The following SLC67A1 variants were observed in gnomAD, a reference collection of about 807,000 sequenced individuals.
The protein encoded by SLC67A1 is solute carrier family 67 member 1.
the SLC67A1 span, among the ~76,000 whole-genome samples, chr11:2,910,965 C>A: frequency 1.3e-5 from 2 of 152,138 alleles, no homozygotes; most frequent in Non-Finnish European, 2.9e-5. Flanking sequence ...CGGAGCCCTG[C>A]GCCCCCCAGC....
chr11:2,915,891 C>T, the SLC67A1 span, among the ~76,000 whole-genome samples: 6 of 152,222 alleles, frequency 3.9e-5, no homozygotes, highest in East Asian at 1.9e-4. Flanking sequence ...CAAGACCTGC[C>T]GATTCCTTCC....
the SLC67A1 span, chr11:2,919,489 C>A: frequency 1.9e-6 from 2 of 1,032,328 alleles, no homozygotes; most frequent in South Asian, 1.3e-5. Context: ...GGCTCCTCCC[C>A]GGCGGAGGCT....
At chr11:2,902,588 G>C in the SLC67A1 span, 1 of 985,460 alleles carries the variant, frequency 1.0e-6, no homozygotes, top group African/African-American at 1.7e-5. Context: ...CGGTACCTCG[G>C]GGCTCAGATG....
chr11:2,916,692 C>A, the SLC67A1 span: 35 of 1,613,172 alleles, frequency 2.2e-5, no homozygotes, highest in South Asian at 6.6e-5. Context: ...CACCTGCATC[C>A]CCGCCAGCAC....
At chr11:2,911,186 C>T in the SLC67A1 span, among the ~76,000 whole-genome samples, 1 of 151,994 alleles carries the variant, frequency 6.6e-6, no homozygotes, top group South Asian at 2.1e-4. Flanking sequence ...ATGCAATAGA[C>T]GGATCAAGGG....
At chr11:2,924,984 C>T in the SLC67A1 span, 11 of 1,583,012 alleles carry the variant, frequency 6.9e-6, no homozygotes, top group Admixed American at 1.7e-5. This position sits in a 1 kb window ranked among gnomAD's most constrained non-coding sequence, Gnocchi z 8.6. Flanking sequence ...CTGCCCAGGG[C>T]CTGACTACCC....
the SLC67A1 span, among the ~76,000 whole-genome samples, chr11:2,913,402 C>T: frequency 6.6e-6 from 1 of 152,092 alleles, no homozygotes; most frequent in Non-Finnish European, 1.5e-5. Context: ...TCTCAGAGCC[C>T]ATTTGGGGCA....
the SLC67A1 span, chr11:2,909,784 C>A: frequency 7.3e-7 from 1 of 1,368,978 alleles, no homozygotes; most frequent in Non-Finnish European, 9.5e-7. Flanking sequence ...CCCGCCTCCT[C>A]TTGGCCTCGG....
chr11:2,909,545 T>G, the SLC67A1 span: 1 of 1,512,974 alleles, frequency 6.6e-7, no homozygotes, highest in East Asian at 2.6e-5. Context: ...ACCGAGGGGC[T>G]TTCGCCGCTC....
chr11:2,919,067 A>C, the SLC67A1 span: 1 of 535,888 alleles, frequency 1.9e-6, no homozygotes, highest in Non-Finnish European at 3.4e-6. Context: ...CCCTTCCAGC[A>C]CCTTCCTGCT....
At chr11:2,915,172 ACT>A in the SLC67A1 span, 9 of 984,990 alleles carry the variant, frequency 9.1e-6, no homozygotes, top group Non-Finnish European at 9.6e-6. Flanking sequence ...CAATGCCCAG[ACT>A]CTCTGGACTC....
chr11:2,912,512 T>C, the SLC67A1 span, among the ~76,000 whole-genome samples: 1 of 152,178 alleles, frequency 6.6e-6, no homozygotes, highest in African/African-American at 2.4e-5. Flanking sequence ...TGTGTGGGCT[T>C]TCCCTCCCTG....
the SLC67A1 span, chr11:2,922,003 G>A: frequency 1.1e-6 from 1 of 886,858 alleles, no homozygotes; most frequent in Non-Finnish European, 1.9e-6. Flanking sequence ...GCCACCACAG[G>A]CCAGTCTGGA....
At chr11:2,913,501 G>A in the SLC67A1 span, among the ~76,000 whole-genome samples, 5 of 152,232 alleles carry the variant, frequency 3.3e-5, no homozygotes, top group Non-Finnish European at 7.3e-5. Context: ...GGAAGGGTCA[G>A]GCCAGAGGGG....
chr11:2,903,596 GC>G, the SLC67A1 span: 1 of 1,287,646 alleles, frequency 7.8e-7, no homozygotes, highest in Non-Finnish European at 1.1e-6. Context: ...GTTTCATGCT[GC>G]CAGGGCCCCT....
chr11:2,909,220 G>T, the SLC67A1 span: 1 of 1,539,190 alleles, frequency 6.5e-7, no homozygotes, highest in Non-Finnish European at 8.7e-7. Context: ...GCGGGGCGCG[G>T]GCGGCGCTCA....
the SLC67A1 span, chr11:2,925,232 A>G: frequency 6.3e-7 from 1 of 1,589,800 alleles, no homozygotes; most frequent in Non-Finnish European, 8.6e-7. The surrounding 1 kb of genome is among the most constrained non-coding windows in gnomAD (Gnocchi z 6.5). Context: ...ATAAACTCCT[A>G]CTAAATCCCT....
the SLC67A1 span, chr11:2,914,700 C>T: frequency 1.0e-6 from 1 of 985,398 alleles, no homozygotes; most frequent in Non-Finnish European, 1.2e-6. Flanking sequence ...TGTCACCAGC[C>T]TCCTAAAATA....
chr11:2,922,058 T>A, the SLC67A1 span: 1 of 1,455,552 alleles, frequency 6.9e-7, no homozygotes, highest in Non-Finnish European at 9.7e-7. Flanking sequence ...CGCCCCTCCC[T>A]CGCCTCCCCC....
Sources: gnomAD v4.1 joint callset for allele counts (sites outside exome capture counted in the v4.1 genomes callset) on GRCh38, gnomAD v4.1.1 for gene constraint, Gnocchi (gnomAD v3.1) non-coding constraint, MANE v1.5 for transcripts, NCBI Gene and HGNC (gene_info 2026-07-23, HGNC 2026-07-21) for gene names.